The following DPP10 variants were observed in gnomAD, a reference collection of about 807,000 sequenced individuals.
DPP10 encodes dipeptidyl peptidase like 10.
A neutral mutation model predicts 120.9 loss-of-function variants in DPP10; 33 were observed. That is an observed-to-expected ratio of 0.27 (90% CI 0.21 to 0.37). DPP10 has a LOEUF of 0.37. Among genes scored for constraint, DPP10 ranks in the 10% least tolerant of loss-of-function variants. DPP10 has a pLI of 1.00. For missense variants in DPP10, 816 were observed against 942.8 expected (o/e 0.87, Z 1.76); for synonymous variants, 337 against 326.1 (o/e 1.03, Z -0.36).
chr2:115,709,450 A>T (rs908562983), intron 7 of DPP10, among the ~76,000 whole-genome samples: 1 of 152,118 alleles, frequency 6.6e-6, no homozygotes, highest in Non-Finnish European at 1.5e-5. Flanking sequence ...GACCTTCATA[A>T]AAATAAATGC....
At chr2:115,644,896 C>G (rs926583640) in intron 5 of DPP10, among the ~76,000 whole-genome samples, 11 of 151,948 alleles carry the variant, frequency 7.2e-5, no homozygotes, top group Admixed American at 3.9e-4. Flanking sequence ...ACTATACCAC[C>G]AAAGATATAA....
chr2:115,413,390 G>A (rs1717043), intron 3 of DPP10, among the ~76,000 whole-genome samples: 17,933 of 152,134 alleles, frequency 0.12, 1,339 homozygotes, highest in African/African-American at 0.2. Context: ...ATTAAGGGAA[G>A]TGAAAATCAA....
chr2:115,216,800 CA>C (rs1482616668), intron 1 of DPP10, among the ~76,000 whole-genome samples: 1 of 151,510 alleles, frequency 6.6e-6, no homozygotes, highest in Non-Finnish European at 1.5e-5. Flanking sequence ...AAGAAAAGGT[CA>C]AAAGCTAAGC....
intron 1 of DPP10, among the ~76,000 whole-genome samples, chr2:114,927,086 T>C (rs568368827): frequency 6.6e-6 from 1 of 152,124 alleles, no homozygotes; most frequent in African/African-American, 2.4e-5. Flanking sequence ...CCTGACCTCA[T>C]GATCCACCCA....
At chr2:115,242,383 C>A (rs561352475) in intron 1 of DPP10, among the ~76,000 whole-genome samples, 2 of 151,966 alleles carry the variant, frequency 1.3e-5, no homozygotes, top group South Asian at 2.1e-4. Flanking sequence ...ATGTATATAT[C>A]CCACAGTTTT....
chr2:114,692,461 T>C (rs762353325), intron 1 of DPP10, among the ~76,000 whole-genome samples: 3 of 152,064 alleles, frequency 2.0e-5, no homozygotes, highest in Admixed American at 6.6e-5. Flanking sequence ...TTTGTTATGA[T>C]TTTAGTTCTT....
chr2:115,491,078 A>T (rs1227253666), intron 3 of DPP10, among the ~76,000 whole-genome samples: 1 of 152,152 alleles, frequency 6.6e-6, no homozygotes, highest in African/African-American at 2.4e-5. Flanking sequence ...AGATCCCACC[A>T]CTGTACTCCA....
chr2:115,635,966 G>A (rs894202452), intron 5 of DPP10, among the ~76,000 whole-genome samples: 1 of 152,060 alleles, frequency 6.6e-6, no homozygotes, highest in Admixed American at 6.6e-5. Flanking sequence ...CTTGAAAGGT[G>A]GAACATGTCC....
intron 1 of DPP10, among the ~76,000 whole-genome samples, chr2:114,954,405 C>A (rs906882948): frequency 5.9e-5 from 9 of 151,940 alleles, no homozygotes; most frequent in Non-Finnish European, 1.2e-4. Context: ...TTTTAAATAA[C>A]TTAAGACAAA....
intron 3 of DPP10, among the ~76,000 whole-genome samples, chr2:115,354,060 G>A (rs764474393): frequency 1.1e-4 from 17 of 152,188 alleles, no homozygotes; most frequent in Non-Finnish European, 2.1e-4. Flanking sequence ...GTTCTTATAT[G>A]ATTGATTTTA....
intron 9 of DPP10, among the ~76,000 whole-genome samples, chr2:115,743,611 C>T (rs1677566891): frequency 6.6e-6 from 1 of 152,052 alleles, no homozygotes; most frequent in South Asian, 2.1e-4. Context: ...AATTCACTAC[C>T]ATATACTATT....
chr2:115,722,204 T>G (rs1208686956), intron 7 of DPP10, among the ~76,000 whole-genome samples: 1 of 152,040 alleles, frequency 6.6e-6, no homozygotes, highest in Non-Finnish European at 1.5e-5. Flanking sequence ...CAGTCAATGA[T>G]AATTCATTGT....
At chr2:114,986,835 A>G (rs1266125529) in intron 1 of DPP10, among the ~76,000 whole-genome samples, 1 of 152,090 alleles carries the variant, frequency 6.6e-6, no homozygotes, top group Admixed American at 6.5e-5. Flanking sequence ...CAGTGGCGCA[A>G]TCTTGGCTCA....
chr2:115,704,303 T>A (rs1276372737), intron 7 of DPP10, among the ~76,000 whole-genome samples: 1 of 151,922 alleles, frequency 6.6e-6, no homozygotes, highest in Non-Finnish European at 1.5e-5. Flanking sequence ...TCTCTGATAA[T>A]TTTTTTCTAA....
intron 3 of DPP10, among the ~76,000 whole-genome samples, chr2:115,456,219 T>C (rs551192904): frequency 6.6e-6 from 1 of 152,310 alleles, no homozygotes; most frequent in African/African-American, 2.4e-5. Flanking sequence ...AAGCTCATCA[T>C]CACTTTTCAT....
chr2:115,689,248 G>A (rs1317756782), intron 5 of DPP10, among the ~76,000 whole-genome samples: 1 of 151,954 alleles, frequency 6.6e-6, no homozygotes, highest in South Asian at 2.1e-4. Flanking sequence ...TGTCCTTGGG[G>A]GAAAAGCAAA....
At chr2:115,625,804 G>A (rs916727377) in intron 5 of DPP10, among the ~76,000 whole-genome samples, 3 of 152,066 alleles carry the variant, frequency 2.0e-5, no homozygotes, top group African/African-American at 7.2e-5. Flanking sequence ...TAACCACTGA[G>A]TAGAATAGTA....
chr2:115,738,192 G>A (rs916930913), intron 8 of DPP10, among the ~76,000 whole-genome samples: 3 of 152,142 alleles, frequency 2.0e-5, no homozygotes, highest in Non-Finnish European at 2.9e-5. Flanking sequence ...CCTCTAATAT[G>A]TATTGCAGCC....
At chr2:115,292,589 T>G (rs1318233207) in intron 1 of DPP10, among the ~76,000 whole-genome samples, 2 of 152,244 alleles carry the variant, frequency 1.3e-5, no homozygotes, top group East Asian at 3.9e-4. Context: ...TTGGAATTTA[T>G]TCTGCTGCTT....
Sources: gnomAD v4.1 joint callset for allele counts (sites outside exome capture counted in the v4.1 genomes callset) on GRCh38, gnomAD v4.1.1 for gene constraint, MANE v1.5 for transcripts, NCBI Gene and HGNC (gene_info 2026-07-23, HGNC 2026-07-21) for gene names.